ASTN2: variants seen among roughly 807,000 people sequenced by gnomAD.
ASTN2 encodes the protein astrotactin 2.
In ASTN2, 54 loss-of-function variants were observed where a neutral mutation model predicts 139.8. The ratio of observed to expected loss-of-function variants is 0.39; its 90% CI spans 0.31 to 0.48. The LOEUF is 0.48. Ranked by LOEUF, ASTN2 falls within the 20% of genes least tolerant of loss-of-function variation. ASTN2 has a pLI of 0.95. For missense variants in ASTN2, 1,565 were observed against 1,725.1 expected (o/e 0.91, Z 1.64); for synonymous variants, 756 against 719.5 (o/e 1.05, Z -0.81).
intron 17 of ASTN2, among the ~76,000 whole-genome samples, chr9:116,627,872 T>C (rs964368314): frequency 6.6e-6 from 1 of 152,226 alleles, no homozygotes; most frequent in African/African-American, 2.4e-5. Flanking sequence ...ATACCCTAGG[T>C]ACTTTAGACA....
intron 10 of ASTN2, among the ~76,000 whole-genome samples, chr9:116,931,415 C>T (rs1165490870): frequency 6.6e-6 from 1 of 152,160 alleles, no homozygotes; most frequent in Non-Finnish European, 1.5e-5. Flanking sequence ...GACATGAAGG[C>T]AGACCCCTAA....
At chr9:116,526,749 A>T (rs535180899) in intron 19 of ASTN2, among the ~76,000 whole-genome samples, 141 of 152,332 alleles carry the variant, frequency 9.3e-4, no homozygotes, top group Non-Finnish European at 1.7e-3. Context: ...TCCCTAGCAG[A>T]TTTGTTTAAG....
chr9:117,208,180 C>T (rs1213277675), intron 3 of ASTN2, among the ~76,000 whole-genome samples: 1 of 151,816 alleles, frequency 6.6e-6, no homozygotes, highest in Non-Finnish European at 1.5e-5. Context: ...AATACATGAA[C>T]TGCCAAAAAA....
At chr9:117,287,532 C>T (rs868229007) in intron 2 of ASTN2, among the ~76,000 whole-genome samples, 4 of 152,090 alleles carry the variant, frequency 2.6e-5, no homozygotes, top group Admixed American at 6.5e-5. Context: ...ATCAATGTCA[C>T]GTAGATAGGT....
At chr9:116,788,513 C>G (rs1242137086) in intron 13 of ASTN2, among the ~76,000 whole-genome samples, 1 of 151,964 alleles carries the variant, frequency 6.6e-6, no homozygotes, top group African/African-American at 2.4e-5. Context: ...AAAGAACATC[C>G]AAGTGTCAGA....
chr9:117,045,181 T>A (rs1400178949), intron 5 of ASTN2, among the ~76,000 whole-genome samples: 1 of 151,164 alleles, frequency 6.6e-6, no homozygotes, highest in Non-Finnish European at 1.5e-5. Flanking sequence ...AAAAAATATT[T>A]CCATCTGAAA....
At chr9:116,787,362 G>T (rs1401318214) in intron 13 of ASTN2, among the ~76,000 whole-genome samples, 1 of 152,136 alleles carries the variant, frequency 6.6e-6, no homozygotes, top group Non-Finnish European at 1.5e-5. Flanking sequence ...CTTTTATAAA[G>T]TTTCTTGCCA....
At chr9:116,941,925 C>T (rs1238986352) in intron 10 of ASTN2, among the ~76,000 whole-genome samples, 3 of 151,130 alleles carry the variant, frequency 2.0e-5, no homozygotes, top group Non-Finnish European at 2.9e-5. Context: ...GAACACTGGG[C>T]CAGCAGACTA....
intron 6 of ASTN2, among the ~76,000 whole-genome samples, chr9:117,026,109 CT>C (rs574024847): frequency 2.6e-4 from 39 of 148,902 alleles, no homozygotes; most frequent in African/African-American, 7.1e-4. Context: ...TCTTTTCTTT[CT>C]TTTTTTTTTA....
At chr9:116,732,970 C>T (rs1396793584) in intron 14 of ASTN2, among the ~76,000 whole-genome samples, 1 of 152,202 alleles carries the variant, frequency 6.6e-6, no homozygotes, top group Non-Finnish European at 1.5e-5. Context: ...AACTCGAGTG[C>T]TTTCAAGTAG....
rs142621694 is a variant in ASTN2, at chr9:117,312,271, G to C, written c.443-20758C>G. Among the ~76,000 whole-genome samples, 3 of 152,268 alleles carry C rather than the reference G, an allele frequency of 2.0e-5. No homozygotes were observed. The East Asian group carries it at 5.8e-4, about 29-fold the overall frequency. On this transcript the variant is annotated intron_variant, in intron 1 of 22. Transcript: ENST00000313400. ...TAACATGTAGGCTATTTTCATCAAAGTAATAAATAGAGAATCACAAAATAA... is the reference window on the plus strand; with the variant it reads ...TAACATGTAGGCTATTTTCATCAAACTAATAAATAGAGAATCACAAAATAA...
At chr9:116,848,967 A>T (rs1226900745) in intron 11 of ASTN2, among the ~76,000 whole-genome samples, 1 of 152,202 alleles carries the variant, frequency 6.6e-6, no homozygotes. Flanking sequence ...GCTATAAATC[A>T]GGGTTCCCAC....
intron 1 of ASTN2, among the ~76,000 whole-genome samples, chr9:117,388,150 AG>A: frequency 6.6e-6 from 1 of 152,354 alleles, no homozygotes. Flanking sequence ...ATGACAAAAT[AG>A]GGATTTTGAA....
chr9:116,715,908 C>G (rs759701245), intron 16 of ASTN2, among the ~76,000 whole-genome samples: 1 of 152,176 alleles, frequency 6.6e-6, no homozygotes, highest in African/African-American at 2.4e-5. Context: ...CAAGGCTCCT[C>G]TCAGGTTGGT....
chr9:117,113,730 T>C (rs2132793545), intron 4 of ASTN2, among the ~76,000 whole-genome samples: 1 of 151,886 alleles, frequency 6.6e-6, no homozygotes, highest in East Asian at 1.9e-4. Flanking sequence ...AATTTCAAAG[T>C]CTTTATGCTG....
chr9:116,547,367 C>T (rs996786818), intron 19 of ASTN2: 1 of 152,198 alleles, frequency 6.6e-6, no homozygotes, highest in Non-Finnish European at 1.5e-5. Flanking sequence ...AACTGAGGTC[C>T]AGAGAGATCA....
At chr9:117,112,559 C>A (rs1829276657) in intron 4 of ASTN2, among the ~76,000 whole-genome samples, 1 of 152,018 alleles carries the variant, frequency 6.6e-6, no homozygotes, top group Non-Finnish European at 1.5e-5. Flanking sequence ...GAGCCATATG[C>A]TAAAAGGAAT....
At chr9:116,757,932 A>G (rs369743482) in intron 13 of ASTN2, among the ~76,000 whole-genome samples, 85 of 152,306 alleles carry the variant, frequency 5.6e-4, no homozygotes, top group African/African-American at 1.3e-3. Flanking sequence ...CACCTATCAC[A>G]GGCCCTGATA....
chr9:116,467,779 A>AC (rs1459935853), intron 20 of ASTN2, among the ~76,000 whole-genome samples: 1 of 152,256 alleles, frequency 6.6e-6, no homozygotes, highest in Admixed American at 6.5e-5. Context: ...TTTTTAAATC[A>AC]CACATTAAAC....
Sources: allele counts gnomAD v4.1 joint callset (sites outside exome capture counted in the v4.1 genomes callset), GRCh38; gene constraint gnomAD v4.1.1; transcripts MANE v1.5; gene names NCBI Gene and HGNC (gene_info 2026-07-23, HGNC 2026-07-21).